CHCHD4: variants seen among roughly 807,000 people sequenced by gnomAD.
CHCHD4 encodes coiled-coil-helix-coiled-coil-helix domain containing 4.
CHCHD4 carries 7 observed loss-of-function variants against 12.4 expected under a neutral mutation model. The observed-to-expected ratio is 0.57, with a 90% CI of 0.32 to 1.06. The LOEUF is 1.06. Ranked by LOEUF, CHCHD4 falls within the 50% of genes least tolerant of loss-of-function variation. The pLI is 0.04. For synonymous variants in CHCHD4, 56 were observed against 58.0 expected (o/e 0.97, Z 0.16); for missense variants, 143 against 175.1 (o/e 0.82, Z 1.03).
chr3:14,121,992 G>A (rs376352664), intron 1 of CHCHD4: 147 of 1,613,848 alleles, frequency 9.1e-5, no homozygotes, highest in Non-Finnish European at 1.2e-4. Context: ...TGGAGAAGAC[G>A]GAAGGGGAGG....
intron 1 of CHCHD4, chr3:14,121,961 G>C (rs754779329): frequency 2.5e-6 from 4 of 1,613,986 alleles, no homozygotes; most frequent in Non-Finnish European, 3.4e-6. Context: ...GGTCACAGAT[G>C]AATACGACAC....
intron 2 of CHCHD4, 30 bp from the exon 3 acceptor site, chr3:14,113,224 T>G (rs1402888414): frequency 6.5e-7 from 1 of 1,548,672 alleles, no homozygotes; most frequent in Non-Finnish European, 8.8e-7. Context: ...AGATGTTCTC[T>G]AAAGTTTCAG....
intron 2 of CHCHD4, 78 bp downstream of exon 2, chr3:14,116,348 C>T (rs916894573): frequency 4.1e-5 from 42 of 1,025,824 alleles, no homozygotes; most frequent in Non-Finnish European, 5.7e-5. Context: ...GCTAGGAAAA[C>T]ATGGGAAAGG....
At chr3:14,115,381 C>T (rs189292694) in intron 2 of CHCHD4, among the ~76,000 whole-genome samples, 4 of 137,364 alleles carry the variant, frequency 2.9e-5, no homozygotes, top group East Asian at 3.9e-4. Flanking sequence ...AAACAAGGCC[C>T]GATTTGTCCT....
At chr3:14,121,991 C>G in intron 1 of CHCHD4, 1 of 1,613,804 alleles carries the variant, frequency 6.2e-7, no homozygotes, top group Non-Finnish European at 8.5e-7. Context: ...GTGGAGAAGA[C>G]GGAAGGGGAG....
chr3:14,116,663 T>C (rs1694879608), intron 1 of CHCHD4, 139 bp from the exon 2 acceptor site: 2 of 691,942 alleles, frequency 2.9e-6, no homozygotes, highest in African/African-American at 1.7e-5. Context: ...ATCAAACTGC[T>C]CTCATATGCT....
chr3:14,124,556 TCA>T, intron 1 of CHCHD4, 97 bp downstream of exon 1: 1 of 1,163,586 alleles, frequency 8.6e-7, no homozygotes, highest in Non-Finnish European at 1.1e-6. Context: ...GGGCCGCGCC[TCA>T]GGTGGCCCGC....
intron 1 of CHCHD4, among the ~76,000 whole-genome samples, chr3:14,123,394 A>AT (rs1694960551): frequency 6.6e-6 from 1 of 152,252 alleles, no homozygotes; most frequent in Non-Finnish European, 1.5e-5. Flanking sequence ...TATGGCACAC[A>AT]TTAAGTAGTA....
intron 1 of CHCHD4, chr3:14,121,872 G>C (rs1477271660): frequency 1.2e-6 from 2 of 1,613,902 alleles, no homozygotes; most frequent in South Asian, 1.1e-5. Context: ...CTTTCAGACA[G>C]AGTGTTAAGA....
At chr3:14,122,023 C>A in intron 1 of CHCHD4, 1 of 1,613,158 alleles carries the variant, frequency 6.2e-7, no homozygotes, top group Non-Finnish European at 8.5e-7. Flanking sequence ...TTGTCCCTGA[C>A]AAAGAGCTTC....
At chr3:14,115,277 A>C (rs1694865793) in intron 2 of CHCHD4, among the ~76,000 whole-genome samples, 2 of 146,034 alleles carry the variant, frequency 1.4e-5, no homozygotes, top group African/African-American at 5.6e-5. Flanking sequence ...GTAAAAAAAA[A>C]CAACAGGGAC....
At chr3:14,121,185 TC>T (rs970068738) in intron 1 of CHCHD4, among the ~76,000 whole-genome samples, 12 of 152,260 alleles carry the variant, frequency 7.9e-5, no homozygotes, top group African/African-American at 2.4e-4. Flanking sequence ...CAAGAGACTT[TC>T]CCCCCACCTC....
At chr3:14,122,825 G>T (rs190109911) in intron 1 of CHCHD4, among the ~76,000 whole-genome samples, 12 of 152,292 alleles carry the variant, frequency 7.9e-5, no homozygotes, top group Non-Finnish European at 1.6e-4. Context: ...TGATATTGGA[G>T]CTAAATGTTA....
intron 1 of CHCHD4, among the ~76,000 whole-genome samples, chr3:14,120,984 CTT>C (rs1694927856): frequency 6.6e-6 from 1 of 152,158 alleles, no homozygotes; most frequent in African/African-American, 2.4e-5. Context: ...TTCTGTGTCT[CTT>C]TGTTGTGCTT....
At chr3:14,114,055 C>T (rs1458010608) in intron 2 of CHCHD4, among the ~76,000 whole-genome samples, 3 of 152,096 alleles carry the variant, frequency 2.0e-5, no homozygotes, top group Non-Finnish European at 4.4e-5. Context: ...ACTGAAAGTA[C>T]TTTCTAAGAG....
At chr3:14,124,441 C>G (rs934363559) in intron 1 of CHCHD4, among the ~76,000 whole-genome samples, 6 of 152,176 alleles carry the variant, frequency 3.9e-5, no homozygotes, top group Non-Finnish European at 7.4e-5. Flanking sequence ...TCACTGTGAC[C>G]TTGGACCAGC....
intron 1 of CHCHD4, 45 bp downstream of exon 1, chr3:14,124,610 G>A (rs1393022653): frequency 1.4e-6 from 2 of 1,473,250 alleles, no homozygotes; most frequent in Non-Finnish European, 9.0e-7. Context: ...CGTGTCTCCC[G>A]CAGGCCCTCG....
chr3:14,122,155 TAAG>T (rs1204007067), intron 1 of CHCHD4: 1 of 1,492,142 alleles, frequency 6.7e-7, no homozygotes, highest in Admixed American at 2.2e-5. Context: ...AAGGTTTTCT[TAAG>T]AAAGTGGCAT....
intron 2 of CHCHD4, among the ~76,000 whole-genome samples, chr3:14,113,617 A>ATGCTCCC (rs1553602134): frequency 1.8e-5 from 2 of 110,586 alleles, no homozygotes; most frequent in Non-Finnish European, 4.1e-5. Flanking sequence ...CCCCACCCCC[A>ATGCTCCC]TGCTCCCTGC....
Sources: gnomAD v4.1 joint callset for allele counts (sites outside exome capture counted in the v4.1 genomes callset) on GRCh38, gnomAD v4.1.1 for gene constraint, MANE v1.5 for transcripts, NCBI Gene and HGNC (gene_info 2026-07-23, HGNC 2026-07-21) for gene names.